The following DCLK1 variants were observed in gnomAD, a reference collection of about 807,000 sequenced individuals.
DCLK1 encodes the protein doublecortin like kinase 1.
Under a neutral mutation model 86.2 loss-of-function variants are expected in DCLK1, and 16 were observed. That is an observed-to-expected ratio of 0.19 (90% confidence interval 0.13 to 0.28). The LOEUF (loss-of-function observed/expected upper bound fraction) is 0.28. Among genes scored for constraint, DCLK1 ranks in the 10% least tolerant of loss-of-function variants. The probability of loss-of-function intolerance (pLI) is 1.00; values close to 1 mark genes in which losing one functional copy is unlikely to be tolerated. For missense variants in DCLK1, 590 were observed against 940.2 expected, an observed-to-expected ratio of 0.63 and a Z score of 4.87; for synonymous variants, 369 against 370.5, an observed-to-expected ratio of 1.00 and a Z score of 0.05.
At chr13:36,038,891 C>A (rs1404146507) in intron 3 of DCLK1, among the ~76,000 whole-genome samples, 1 of 152,154 alleles carries the variant, frequency 6.6e-6, no homozygotes, top group South Asian at 2.1e-4. Context: ...TGAAGTTTCT[C>A]TAATTCCACA....
chr13:35,825,972 C>T (rs1301682874), intron 10 of DCLK1, among the ~76,000 whole-genome samples: 1 of 151,730 alleles, frequency 6.6e-6, no homozygotes, highest in Non-Finnish European at 1.5e-5. Flanking sequence ...GCCACCATGC[C>T]CGGCTAATTT....
At position 35,916,081 on chromosome 13, in the gene DCLK1, T is replaced by G. The variant is rs368534231; in HGVS notation, c.823+31277A>C. ...TTCAGGCTCTGCGTGATGAGGCACT[T>G]ACCTTCTGCAAAAAGGATCTTCAGG... On this transcript the variant is annotated intron_variant, in intron 4 of 16. Coordinates refer to ENST00000360631, the MANE Select transcript of DCLK1 (RefSeq NM_001330071.2). Among the ~76,000 whole-genome samples, 122 of 152,306 alleles carry G rather than the reference T, an allele frequency of 8.0e-4. 2 individuals carry two copies. The South Asian group carries it at 0.025, about 31-fold the overall frequency.
At chr13:35,823,868 C>T (rs4338663) in intron 10 of DCLK1, among the ~76,000 whole-genome samples, 63,787 of 152,152 alleles carry the variant, frequency 0.42, 17,460 homozygotes, top group African/African-American at 0.79. Flanking sequence ...CCTGGGCCCT[C>T]TGTGCCCCTG....
intron 2 of DCLK1, among the ~76,000 whole-genome samples, chr13:36,121,512 A>C (rs1885991877): frequency 6.6e-6 from 1 of 152,246 alleles, no homozygotes; most frequent in South Asian, 2.1e-4. Flanking sequence ...GAGAGACGCC[A>C]CATTCACATA....
intron 4 of DCLK1, among the ~76,000 whole-genome samples, chr13:35,918,334 C>A (rs191424302): frequency 2.5e-4 from 38 of 152,246 alleles, no homozygotes; most frequent in African/African-American, 8.9e-4. Context: ...GCAGACAGAT[C>A]ATCTGTGAGG....
chr13:36,020,616 C>G (rs1452876114), intron 3 of DCLK1, among the ~76,000 whole-genome samples: 1 of 151,986 alleles, frequency 6.6e-6, no homozygotes, highest in Non-Finnish European at 1.5e-5. Flanking sequence ...CCTCAGTGAC[C>G]TGCAAGATAT....
chr13:35,850,518 G>C, intron 6 of DCLK1: 1 of 1,240,074 alleles, frequency 8.1e-7, no homozygotes, highest in Non-Finnish European at 1.0e-6. Flanking sequence ...AATCCATGTG[G>C]GAGATATTTT....
intron 4 of DCLK1, among the ~76,000 whole-genome samples, chr13:35,939,834 T>G (rs958559751): frequency 6.6e-6 from 1 of 152,192 alleles, no homozygotes; most frequent in Non-Finnish European, 1.5e-5. Flanking sequence ...GGCCTTATAA[T>G]CCAATTAAAA....
In DCLK1 at chr13:35,770,770, G is replaced by A. The variant is rs890804582; in HGVS notation, c.*3765C>T. 5.9e-5 allele frequency: 9 copies of A among 152,124 alleles called. No homozygotes were observed. Among genetic ancestry groups the A allele is most frequent in the Non-Finnish European group, 1.3e-4 (9 of 68,020 alleles). The allele number at this position is 152,124 out of a possible 1,614,324, so 9.4% of individuals were successfully genotyped here. On this transcript the variant is annotated 3_prime_UTR_variant, in exon 17 of 17. Coordinates refer to ENST00000360631, the MANE Select transcript of DCLK1 (RefSeq NM_001330071.2). ...ATTAAAACTACCATCTTGGATCTTGGTGCTTTCCAAAATTCTGAAATCACT... is the reference window on the plus strand; with the variant it reads ...ATTAAAACTACCATCTTGGATCTTGATGCTTTCCAAAATTCTGAAATCACT...
chr13:35,822,952 C>A, intron 10 of DCLK1, 77 bp from the exon 11 acceptor site: 4 of 1,521,286 alleles, frequency 2.6e-6, no homozygotes, highest in Non-Finnish European at 3.6e-6. Flanking sequence ...CATTGACAAA[C>A]CCCAAAGGAC....
intron 5 of DCLK1, among the ~76,000 whole-genome samples, chr13:35,856,847 C>T (rs1238106670): frequency 6.6e-6 from 1 of 152,134 alleles, no homozygotes; most frequent in African/African-American, 2.4e-5. Flanking sequence ...CAGAATAACT[C>T]TATAAGATTG....
At chr13:35,787,364 T>C (rs1357932489) in intron 16 of DCLK1, among the ~76,000 whole-genome samples, 1 of 151,956 alleles carries the variant, frequency 6.6e-6, no homozygotes, top group Admixed American at 6.6e-5. Flanking sequence ...ACAGCCTCCC[T>C]AGAATTTCTC....
intron 3 of DCLK1, among the ~76,000 whole-genome samples, chr13:36,070,483 A>G (rs547063230): frequency 6.6e-6 from 1 of 152,198 alleles, no homozygotes; most frequent in Non-Finnish European, 1.5e-5. Context: ...TAGGTTAGAT[A>G]TTTATCAAAC....
chr13:35,797,793 T>C (rs1387730471), intron 15 of DCLK1, among the ~76,000 whole-genome samples: 1 of 152,154 alleles, frequency 6.6e-6, no homozygotes, highest in Non-Finnish European at 1.5e-5. Flanking sequence ...AATCTGTACC[T>C]GCGCCATACA....
chr13:35,793,730 A>T (rs2086749221), intron 15 of DCLK1, among the ~76,000 whole-genome samples: 1 of 152,184 alleles, frequency 6.6e-6, no homozygotes, highest in Non-Finnish European at 1.5e-5. Flanking sequence ...TAAATTAAAA[A>T]AAAAAATTTC....
At chr13:35,966,740 G>T (rs575549329) in intron 3 of DCLK1, among the ~76,000 whole-genome samples, 3 of 152,016 alleles carry the variant, frequency 2.0e-5, no homozygotes, top group Admixed American at 6.6e-5. Flanking sequence ...TCCTGACCGC[G>T]AGTGATCTGC....
chr13:35,937,409 T>C (rs1449681808), intron 4 of DCLK1, among the ~76,000 whole-genome samples: 4 of 152,046 alleles, frequency 2.6e-5, no homozygotes, highest in African/African-American at 9.7e-5. Flanking sequence ...CATTCCAATC[T>C]TGGAGGGATC....
intron 4 of DCLK1, among the ~76,000 whole-genome samples, chr13:35,881,948 G>T (rs1353015867): frequency 6.6e-6 from 1 of 152,164 alleles, no homozygotes; most frequent in East Asian, 1.9e-4. Context: ...GGACTCATGC[G>T]CATAATGGTG....
chr13:35,918,892 GTTTTT>G (rs749567335), intron 4 of DCLK1, among the ~76,000 whole-genome samples: 4 of 76,324 alleles, frequency 5.2e-5, no homozygotes, highest in East Asian at 3.8e-4. Flanking sequence ...TTCTGAGTGT[GTTTTT>G]TTTTTTTTTT....
Sources: gnomAD v4.1 joint callset for allele counts (sites outside exome capture counted in the v4.1 genomes callset) on GRCh38, gnomAD v4.1.1 for gene constraint, MANE v1.5 for transcripts, NCBI Gene and HGNC (gene_info 2026-07-23, HGNC 2026-07-21) for gene names.